The following ZNF407 variants were observed in gnomAD, a reference collection of about 807,000 sequenced individuals.
The protein encoded by ZNF407 is zinc finger protein 407.
A neutral mutation model predicts 131.2 loss-of-function variants in ZNF407; 17 were observed. The observed-to-expected ratio is 0.13, with a 90% CI of 0.09 to 0.19. The LOEUF (loss-of-function observed/expected upper bound fraction) is 0.19. ZNF407 is among the 10% of genes least tolerant of loss of function. ZNF407 has a pLI of 1.00. For synonymous variants in ZNF407, 1,156 were observed against 1,062.0 expected, an observed-to-expected ratio of 1.09 and a Z score of -1.72; for missense variants, 2,681 against 2,830.6, an observed-to-expected ratio of 0.95 and a Z score of 1.20.
At chr18:74,730,423 T>G (rs1236187726) in intron 3 of ZNF407, among the ~76,000 whole-genome samples, 1 of 152,204 alleles carries the variant, frequency 6.6e-6, no homozygotes, top group East Asian at 1.9e-4. Flanking sequence ...CTTGGATGTT[T>G]CACTTTTCCT....
chr18:74,790,988 G>A (rs770224318), intron 4 of ZNF407, among the ~76,000 whole-genome samples: 4 of 152,146 alleles, frequency 2.6e-5, no homozygotes, highest in South Asian at 2.1e-4. Flanking sequence ...CCAATTCTTG[G>A]TCTTAGGGCC....
rs557719916 is a variant in ZNF407 at position 74,692,844 on chromosome 18, C to T, written c.4802+51722C>T. On this transcript the variant is annotated intron_variant, in intron 3 of 8. Transcript: ENST00000299687. Reference sequence around the variant, plus strand: ...CCCCCAGAGCAGTGTCTTTGCTTTTCCCTGGGGTTCGAGTGTGGTTGCCCT... The same window carrying T: ...CCCCCAGAGCAGTGTCTTTGCTTTTTCCTGGGGTTCGAGTGTGGTTGCCCT... Among the ~76,000 whole-genome samples, 14 of 152,300 alleles carry T rather than the reference C, an allele frequency of 9.2e-5. No homozygotes were observed. The South Asian group carries it at 2.7e-3, about 29-fold the overall frequency.
At chr18:74,738,949 T>A (rs1290908791) in intron 3 of ZNF407, among the ~76,000 whole-genome samples, 3 of 152,124 alleles carry the variant, frequency 2.0e-5, no homozygotes, top group African/African-American at 4.8e-5. Context: ...ATTTTATTAA[T>A]GTGTAACAAC....
chr18:74,755,728 C>CCTTCCTTTCTTTCTTTCTTTCTTTCTTT (rs1555684064), intron 3 of ZNF407, among the ~76,000 whole-genome samples: 10 of 63,480 alleles, frequency 1.6e-4, no homozygotes, highest in East Asian at 1.5e-3. Flanking sequence ...TTCTTTCTTT[C>CCTTCCTTTCTTTCTTTCTTTCTTTCTTT]CTTTCTTTCT....
intron 7 of ZNF407, among the ~76,000 whole-genome samples, chr18:74,907,323 C>T (rs901637503): frequency 5.9e-5 from 9 of 152,160 alleles, no homozygotes; most frequent in Middle Eastern, 3.2e-3. Flanking sequence ...TGGAGCAACA[C>T]GCAAGGATTT....
intron 8 of ZNF407, among the ~76,000 whole-genome samples, chr18:75,008,265 T>C (rs1252343637): frequency 6.6e-6 from 1 of 152,010 alleles, no homozygotes; most frequent in Non-Finnish European, 1.5e-5. Context: ...AAGTCAGGAG[T>C]GGCCATAGCC....
intron 8 of ZNF407, among the ~76,000 whole-genome samples, chr18:74,972,191 A>C (rs1972480490): frequency 6.6e-6 from 1 of 151,808 alleles, no homozygotes; most frequent in Non-Finnish European, 1.5e-5. Flanking sequence ...CTCCCTTTTC[A>C]CTGTTGTGAT....
intron 7 of ZNF407, among the ~76,000 whole-genome samples, chr18:74,916,552 AGTGTGTGTGT>A (rs372779801): frequency 5.9e-4 from 34 of 57,368 alleles, no homozygotes; most frequent in African/African-American, 1.9e-3. Context: ...TCGAATCGGG[AGTGTGTGTGT>A]GTGTGTGTGT....
intron 8 of ZNF407, among the ~76,000 whole-genome samples, chr18:74,931,933 G>T (rs1358538768): frequency 6.6e-6 from 1 of 151,960 alleles, no homozygotes; most frequent in Non-Finnish European, 1.5e-5. Context: ...TTTGACCTGA[G>T]ACCTCTGAAA....
intron 3 of ZNF407, among the ~76,000 whole-genome samples, chr18:74,652,966 C>T (rs1599042963): frequency 6.6e-6 from 1 of 151,882 alleles, no homozygotes; most frequent in Non-Finnish European, 1.5e-5. Context: ...ATTAGCAAAG[C>T]TTGCTAGATG....
intron 7 of ZNF407, among the ~76,000 whole-genome samples, chr18:74,919,309 A>T (rs915381299): frequency 3.3e-5 from 5 of 152,224 alleles, no homozygotes; most frequent in Admixed American, 1.3e-4. Context: ...AAAAATACAC[A>T]TGGTATAATT....
chr18:74,819,868 G>A (rs1970316575), intron 4 of ZNF407, among the ~76,000 whole-genome samples: 2 of 152,182 alleles, frequency 1.3e-5, no homozygotes, highest in Non-Finnish European at 2.9e-5. Flanking sequence ...ACAGTGGATG[G>A]CCCTCCCCAG....
chr18:74,906,835 ACT>A (rs1352064377), intron 7 of ZNF407, among the ~76,000 whole-genome samples: 1 of 151,866 alleles, frequency 6.6e-6, no homozygotes, highest in African/African-American at 2.4e-5. Context: ...GCATGCACAC[ACT>A]GTGTATATGT....
chr18:74,607,195 G>A (rs1568311789), intron 1 of ZNF407, among the ~76,000 whole-genome samples: 1 of 152,178 alleles, frequency 6.6e-6, no homozygotes, highest in Admixed American at 6.5e-5. Context: ...CACCCAGAGG[G>A]TTTGGGCATC....
chr18:75,014,832 G>T (rs1429653855), intron 8 of ZNF407, among the ~76,000 whole-genome samples: 1 of 152,174 alleles, frequency 6.6e-6, no homozygotes, highest in South Asian at 2.1e-4. Flanking sequence ...CTGTGCAGAT[G>T]AATAGAAAGT....
chr18:74,722,786 A>G (rs1968069523), intron 3 of ZNF407, among the ~76,000 whole-genome samples: 1 of 152,068 alleles, frequency 6.6e-6, no homozygotes, highest in Non-Finnish European at 1.5e-5. Context: ...GCTGTTGACA[A>G]TTTTATGCAG....
At chr18:75,051,634 C>G (rs1001778587) in intron 8 of ZNF407, among the ~76,000 whole-genome samples, 1 of 152,200 alleles carries the variant, frequency 6.6e-6, no homozygotes, top group Non-Finnish European at 1.5e-5. Flanking sequence ...GCAATGGAAT[C>G]TCTGAACCTT....
At chr18:74,990,876 G>A (rs1482907286) in intron 8 of ZNF407, among the ~76,000 whole-genome samples, 1 of 152,168 alleles carries the variant, frequency 6.6e-6, no homozygotes, top group Non-Finnish European at 1.5e-5. Flanking sequence ...AGCTGAACTC[G>A]TGGGGAAGGG....
chr18:75,027,108 A>T (rs1354653107), intron 8 of ZNF407, among the ~76,000 whole-genome samples: 1 of 152,186 alleles, frequency 6.6e-6, no homozygotes, highest in African/African-American at 2.4e-5. Context: ...TTCATTCTGG[A>T]AGTGCTGTCT....
Sources: allele counts gnomAD v4.1 joint callset (sites outside exome capture counted in the v4.1 genomes callset), GRCh38; gene constraint gnomAD v4.1.1; transcripts MANE v1.5; gene names NCBI Gene and HGNC (gene_info 2026-07-23, HGNC 2026-07-21).